DCBLD1: variants seen among roughly 807,000 people sequenced by gnomAD.
DCBLD1 encodes discoidin, CUB and LCCL domain containing 1, also known as discoidin, CUB and LCCL domain-containing protein 1.
Under a neutral mutation model 71.5 loss-of-function variants are expected in DCBLD1, and 57 were observed. That is an observed-to-expected ratio of 0.80 (90% CI 0.64 to 0.99). The LOEUF (loss-of-function observed/expected upper bound fraction) is 0.99, where lower values mean the gene tolerates loss of function less well. Among genes scored for constraint, DCBLD1 ranks in the 50% least tolerant of loss-of-function variants. The pLI is 0.00. For missense variants in DCBLD1, 891 were observed against 923.5 expected (o/e 0.96, Z 0.46); for synonymous variants, 380 against 363.8 (o/e 1.04, Z -0.51).
intron 14 of DCBLD1, chr6:117,562,067 G>T (rs1029780280): frequency 4.8e-6 from 1 of 206,416 alleles, no homozygotes. Context: ...ATGCAATGTT[G>T]TGACTTTGCC....
At chr6:117,525,161 A>AAT (rs1203119145) in intron 4 of DCBLD1, among the ~76,000 whole-genome samples, 1 of 152,148 alleles carries the variant, frequency 6.6e-6, no homozygotes, top group Admixed American at 6.6e-5. Flanking sequence ...TCCTTATATA[A>AAT]AACTAATAAT....
At chr6:117,517,382 G>A (rs1778235727) in intron 2 of DCBLD1, among the ~76,000 whole-genome samples, 2 of 152,232 alleles carry the variant, frequency 1.3e-5, no homozygotes, top group Non-Finnish European at 2.9e-5. Flanking sequence ...TGGCTTTGCA[G>A]GGTACAGCCT....
Position 117,548,362 on chromosome 6 carries a change from G to A in DCBLD1, c.2071G>A (p.Gly691Arg), listed in dbSNP as rs1382074193. Residue 691 changes from glycine to arginine, a missense_variant, in exon 15 of 15, where the codon GGG (glycine) becomes AGG (arginine). Transcript: ENST00000338728. ...PDSQKPPTHP[G>R]TSDSYSAPRD... is the part of the protein sequence containing the mutation. ...CTCTCAGAAGCCCCCAACGCATCCC[G>A]GGACGAGTGACAGCTATTCTGCCCC... 2.6e-6 allele frequency: 4 copies of A among 1,550,676 alleles called. No individual in the cohort carries two copies. The highest frequency in any genetic ancestry group is 2.4e-5 in the East Asian group (1 of 40,916).
At chr6:117,516,903 G>T (rs1199105727) in intron 2 of DCBLD1, among the ~76,000 whole-genome samples, 1 of 152,084 alleles carries the variant, frequency 6.6e-6, no homozygotes, top group Non-Finnish European at 1.5e-5. Context: ...CTCCCACCGG[G>T]TCCCTCCCAC....
intron 1 of DCBLD1, among the ~76,000 whole-genome samples, chr6:117,501,483 G>C (rs915253819): frequency 1.1e-4 from 16 of 152,022 alleles, no homozygotes; most frequent in African/African-American, 3.9e-4. Flanking sequence ...ACAGGCTCGC[G>C]CTACCATGCC....
At chr6:117,508,280 T>C (rs766748518) in intron 2 of DCBLD1, among the ~76,000 whole-genome samples, 7 of 152,188 alleles carry the variant, frequency 4.6e-5, no homozygotes, top group Non-Finnish European at 8.8e-5. Context: ...TTTAAACATA[T>C]TGTGTAAGAC....
At chr6:117,484,126 T>G (rs997699820) in intron 1 of DCBLD1, among the ~76,000 whole-genome samples, 11 of 152,182 alleles carry the variant, frequency 7.2e-5, no homozygotes, top group African/African-American at 2.4e-4. Flanking sequence ...AATATTTTTA[T>G]TTTTTTCTCA....
intron 1 of DCBLD1, among the ~76,000 whole-genome samples, chr6:117,486,668 G>A (rs1310920718): frequency 6.6e-6 from 1 of 152,204 alleles, no homozygotes; most frequent in African/African-American, 2.4e-5. Context: ...TCCTCCTTCA[G>A]TGTTTGTTTA....
chr6:117,562,345 T>C (rs1479231877), intron 14 of DCBLD1: 6 of 199,752 alleles, frequency 3.0e-5, no homozygotes, highest in Non-Finnish European at 6.2e-5. Flanking sequence ...GACATAGTAA[T>C]AAATCTGAAC....
At chr6:117,489,796 A>T (rs555470228) in intron 1 of DCBLD1, among the ~76,000 whole-genome samples, 2 of 152,232 alleles carry the variant, frequency 1.3e-5, no homozygotes, top group South Asian at 4.2e-4. Context: ...GAGGCAGGAG[A>T]ATGGCGTGAA....
intron 6 of DCBLD1, among the ~76,000 whole-genome samples, chr6:117,535,565 G>A (rs1324174446): frequency 2.6e-5 from 4 of 152,228 alleles, no homozygotes; most frequent in East Asian, 1.9e-4. Flanking sequence ...AGTTGATAAC[G>A]GAGGAAAGCC....
intron 2 of DCBLD1, among the ~76,000 whole-genome samples, chr6:117,518,743 G>A (rs921191608): frequency 3.9e-5 from 6 of 152,084 alleles, no homozygotes; most frequent in Admixed American, 2.0e-4. Flanking sequence ...ACTGTCATGA[G>A]AACAGCACGG....
chr6:117,555,764 T>C (rs142948385), intron 14 of DCBLD1, among the ~76,000 whole-genome samples: 2 of 152,122 alleles, frequency 1.3e-5, no homozygotes, highest in Non-Finnish European at 2.9e-5. Flanking sequence ...AAGCCAAGGG[T>C]CCATCAAACC....
Position 117,540,835 on chromosome 6 carries a change from A to G in DCBLD1, c.1249+20A>G, listed in dbSNP as rs1306384145. On this transcript the variant is annotated intron_variant, in intron 10 of 14. Coordinates refer to ENST00000338728, the MANE Select transcript of DCBLD1 (RefSeq NM_001366458.2). ...CACAAGGTAGGGCTCAGGGCAAGCCAGTGAGTTACTCAAGTTTGGTCATAT... is the reference window on the plus strand; with the variant it reads ...CACAAGGTAGGGCTCAGGGCAAGCCGGTGAGTTACTCAAGTTTGGTCATAT... 6.2e-7 allele frequency: 1 copy of G among 1,614,218 alleles called. No individual in the cohort carries two copies. The highest frequency in any genetic ancestry group is 8.5e-7 in the Non-Finnish European group (1 of 1,180,014).
Position 117,547,981 on chromosome 6 carries a change from G to A in DCBLD1, c.1690G>A (p.Asp564Asn), listed in dbSNP as rs1023434847. 3.2e-6 allele frequency: 5 copies of A among 1,550,486 alleles called. No individual in the cohort carries two copies. The highest frequency in any genetic ancestry group is 4.4e-6 in the Non-Finnish European group (5 of 1,146,988). The change falls in exon 15 of 15, where the codon GAT becomes AAT. Residue 564 changes from aspartate (D) to asparagine (N), a missense_variant. Coordinates refer to ENST00000338728, the MANE Select transcript of DCBLD1 (RefSeq NM_001366458.2). ...KGSTFRPMDT[D>N]AEEAGVSTDA... is the part of the protein sequence containing the mutation. Reference sequence around the variant, plus strand: ...CTCCACCTTCCGGCCCATGGACACGGATGCCGAGGAGGCAGGGGTGAGCAC... The same window carrying A: ...CTCCACCTTCCGGCCCATGGACACGAATGCCGAGGAGGCAGGGGTGAGCAC...
At chr6:117,496,787 ACAACCAGTAT>A (rs1387898401) in intron 1 of DCBLD1, among the ~76,000 whole-genome samples, 1 of 152,238 alleles carries the variant, frequency 6.6e-6, no homozygotes, top group Non-Finnish European at 1.5e-5. Flanking sequence ...TTCAGTAGGC[ACAACCAGTAT>A]GCTTTGACAA....
rs780993969 is a variant in DCBLD1 at position 117,538,839 on chromosome 6, C to T, written c.976+4C>T. On this transcript the variant is annotated splice_donor_region_variant and intron_variant, in intron 8 of 14. Coordinates refer to ENST00000338728, the MANE Select transcript of DCBLD1 (RefSeq NM_001366458.2). The stretch of plus-strand genomic sequence containing the variant: ...GGGGAGAAAAAGAAAATAACAGGTG[C>T]AGAAAATAACACAAGTGCCAAGTGC... The T allele has an allele frequency of 1.2e-6, 2 of 1,607,320 alleles. No homozygotes were observed. The highest frequency in any genetic ancestry group is 1.7e-6 in the Non-Finnish European group (2 of 1,176,786).
chr6:117,539,237 A>G lies in DCBLD1; in HGVS notation c.977-18A>G. 1 of 1,521,516 alleles carries G rather than the reference A, an allele frequency of 6.6e-7. No individual in the cohort carries two copies. Among genetic ancestry groups the G allele is most frequent in the African/African-American group, 1.4e-5 (1 of 71,204 alleles). The allele number at this position is 1,521,516 out of a possible 1,614,324, so 94.3% of individuals were successfully genotyped here. On this transcript the variant is annotated intron_variant, in intron 8 of 14. Coordinates refer to ENST00000338728, the MANE Select transcript of DCBLD1 (RefSeq NM_001366458.2). ...ACAAACTTTTAAAAATAGCCTGTAA[A>G]TATTATTTTCTTACAAGGAATTAGG...
intron 14 of DCBLD1, chr6:117,566,709 A>G (rs563894015): frequency 5.6e-6 from 3 of 536,500 alleles, no homozygotes; most frequent in Admixed American, 7.2e-5. Flanking sequence ...AGCATAGTAT[A>G]CAATAAAACA....
Sources: gnomAD v4.1 joint callset for allele counts (sites outside exome capture counted in the v4.1 genomes callset) on GRCh38, gnomAD v4.1.1 for gene constraint, MANE v1.5 for transcripts, NCBI Gene and HGNC (gene_info 2026-07-23, HGNC 2026-07-21) for gene names.